ZRANB3: variants seen among roughly 807,000 people sequenced by gnomAD.
The protein encoded by ZRANB3 is zinc finger RANBP2-type containing 3.
Under a neutral mutation model 133.8 loss-of-function variants are expected in ZRANB3, and 125 were observed. That is an observed-to-expected ratio of 0.93 (90% CI 0.81 to 1.08). The LOEUF is 1.08. ZRANB3 is among the 50% of genes least tolerant of loss of function. The probability of loss-of-function intolerance (pLI) is 0.00; values close to 1 mark genes in which losing one functional copy is unlikely to be tolerated. For missense variants in ZRANB3, 1,229 were observed against 1,275.5 expected (o/e 0.96, Z 0.56); for synonymous variants, 387 against 432.7 (o/e 0.89, Z 1.31).
At chr2:135,485,571 G>A (rs764699140) in intron 2 of ZRANB3, among the ~76,000 whole-genome samples, 12 of 152,136 alleles carry the variant, frequency 7.9e-5, no homozygotes, top group Non-Finnish European at 1.3e-4. Flanking sequence ...GCAGGGTGCT[G>A]TCATAAACAT....
intron 12 of ZRANB3, among the ~76,000 whole-genome samples, chr2:135,264,470 CA>C (rs201380002): frequency 0.2 from 12,914 of 64,858 alleles, 560 homozygotes; most frequent in South Asian, 0.41. Context: ...GACTCTGTCT[CA>C]AAAAAAAAAA....
At chr2:135,257,231 A>T (rs571142503) in intron 12 of ZRANB3, among the ~76,000 whole-genome samples, 10 of 152,146 alleles carry the variant, frequency 6.6e-5, no homozygotes, top group African/African-American at 2.4e-4. Context: ...TACTTTGTAG[A>T]CTCACCCCAA....
chr2:135,202,269 T>C (rs769076899), intron 20 of ZRANB3, among the ~76,000 whole-genome samples: 2 of 152,168 alleles, frequency 1.3e-5, no homozygotes, highest in African/African-American at 2.4e-5. Flanking sequence ...TCTCAGCAGG[T>C]AAATCCCACT....
intron 2 of ZRANB3, among the ~76,000 whole-genome samples, chr2:135,439,041 A>G (rs1689670151): frequency 6.6e-6 from 1 of 152,214 alleles, no homozygotes; most frequent in Admixed American, 6.5e-5. Flanking sequence ...TGTACGTTAT[A>G]TTATCTGTAT....
intron 8 of ZRANB3, among the ~76,000 whole-genome samples, chr2:135,310,193 TC>T (rs1481285345): frequency 2.0e-5 from 3 of 152,288 alleles, no homozygotes; most frequent in East Asian, 3.9e-4. Flanking sequence ...TGCCTCGGCC[TC>T]CCAAAGTGCT....
intron 3 of ZRANB3, among the ~76,000 whole-genome samples, chr2:135,389,220 C>T (rs912445358): frequency 6.6e-6 from 1 of 152,154 alleles, no homozygotes. Flanking sequence ...AAGTTCTTCA[C>T]TGGCAATGAC....
intron 3 of ZRANB3, among the ~76,000 whole-genome samples, chr2:135,356,824 C>T (rs1037150298): frequency 6.6e-6 from 1 of 152,046 alleles, no homozygotes; most frequent in Admixed American, 6.5e-5. Context: ...CCTAGCTCAG[C>T]CCCCTGGGTA....
rs749933544 is a variant in ZRANB3, at chr2:135,504,522, G to T, written c.-7-26C>A. On this transcript the variant is annotated intron_variant, in intron 1 of 20. Coordinates refer to ENST00000264159, the MANE Select transcript of ZRANB3 (RefSeq NM_032143.4). ...CTAAAAACAAAGAAACAACAAAAAA[G>T]GGAGGGGTATAAGAAATAGATATTA... The T allele has an allele frequency of 6.5e-5, 104 of 1,588,982 alleles. 2 individuals are homozygous for T. The South Asian group carries it at 1.2e-3, about 18-fold the overall frequency.
At chr2:135,487,785 G>T (rs1692188681) in intron 2 of ZRANB3, among the ~76,000 whole-genome samples, 1 of 152,174 alleles carries the variant, frequency 6.6e-6, no homozygotes, top group Non-Finnish European at 1.5e-5. Context: ...TGACTGGTTT[G>T]ATACTCTATC....
chr2:135,382,598 G>T (rs1004016885), intron 3 of ZRANB3, among the ~76,000 whole-genome samples: 1 of 152,140 alleles, frequency 6.6e-6, no homozygotes, highest in African/African-American at 2.4e-5. Flanking sequence ...GAGAAAGGTG[G>T]GGTTACCCAC....
intron 2 of ZRANB3, among the ~76,000 whole-genome samples, chr2:135,444,901 T>C (rs1171269317): frequency 6.6e-6 from 1 of 152,124 alleles, no homozygotes; most frequent in Non-Finnish European, 1.5e-5. Context: ...GCTAATAGTT[T>C]TGATAAAATA....
intron 2 of ZRANB3, among the ~76,000 whole-genome samples, chr2:135,408,408 T>TCA (rs1688144260): frequency 6.6e-6 from 1 of 152,166 alleles, no homozygotes; most frequent in African/African-American, 2.4e-5. Flanking sequence ...ATTGTGGAAA[T>TCA]CAGCGTGGCG....
At chr2:135,491,677 C>A (rs1692382898) in intron 2 of ZRANB3, among the ~76,000 whole-genome samples, 1 of 152,050 alleles carries the variant, frequency 6.6e-6, no homozygotes, top group Non-Finnish European at 1.5e-5. Context: ...CCAGGCCCAG[C>A]TAATTTTTTT....
At chr2:135,353,776 G>C in intron 3 of ZRANB3, 148 bp from the exon 4 acceptor site, 1 of 451,468 alleles carries the variant, frequency 2.2e-6, no homozygotes, top group Non-Finnish European at 3.5e-6. Flanking sequence ...TGATGCAGGT[G>C]GATCGCTTGA....
At chr2:135,521,510 C>CA (rs1290468673) in intron 1 of ZRANB3, among the ~76,000 whole-genome samples, 12 of 151,632 alleles carry the variant, frequency 7.9e-5, no homozygotes, top group African/African-American at 2.7e-4. Flanking sequence ...CCAGCCTGGG[C>CA]AAAAAAGAGC....
chr2:135,510,668 G>A (rs564130745), intron 1 of ZRANB3: 14 of 788,598 alleles, frequency 1.8e-5, no homozygotes, highest in Admixed American at 5.1e-5. Flanking sequence ...CCCCTAAGGC[G>A]ATCATCTCGT....
chr2:135,377,284 T>A (rs1686472025), intron 3 of ZRANB3, among the ~76,000 whole-genome samples: 2 of 152,206 alleles, frequency 1.3e-5, no homozygotes. Flanking sequence ...TATCTATGTA[T>A]AAATACACAC....
intron 2 of ZRANB3, among the ~76,000 whole-genome samples, chr2:135,440,441 G>A (rs1452531623): frequency 3.3e-5 from 5 of 151,956 alleles, no homozygotes; most frequent in Non-Finnish European, 7.4e-5. Context: ...ACTGCGTGAG[G>A]GACCAGCACT....
At chr2:135,292,009 G>T (rs1353994625) in intron 8 of ZRANB3, among the ~76,000 whole-genome samples, 3 of 152,154 alleles carry the variant, frequency 2.0e-5, no homozygotes, top group African/African-American at 7.2e-5. Flanking sequence ...TGGACATTTG[G>T]GTTGGTTCCA....
Sources: gnomAD v4.1 joint callset for allele counts (sites outside exome capture counted in the v4.1 genomes callset) on GRCh38, gnomAD v4.1.1 for gene constraint, MANE v1.5 for transcripts, NCBI Gene and HGNC (gene_info 2026-07-23, HGNC 2026-07-21) for gene names.